Variants in RGS22 observed in about 807,000 individuals in gnomAD.
RGS22 encodes the protein regulator of G protein signaling 22.
Under a neutral mutation model 172.9 loss-of-function variants are expected in RGS22, and 148 were observed. The observed-to-expected ratio is 0.86, with a 90% CI of 0.75 to 0.98. The LOEUF (loss-of-function observed/expected upper bound fraction) is 0.98, where lower values mean the gene tolerates loss of function less well. RGS22 is among the 50% of genes least tolerant of loss of function. The pLI, the probability that RGS22 is intolerant of heterozygous loss-of-function variation, is 0.00. For synonymous variants in RGS22, 458 were observed against 480.2 expected (o/e 0.95, Z 0.60); for missense variants, 1,347 against 1,440.8 (o/e 0.93, Z 1.05).
chr8:100,085,426 G>T (rs2131940373), intron 3 of RGS22, among the ~76,000 whole-genome samples: 1 of 152,250 alleles, frequency 6.6e-6, no homozygotes, highest in East Asian at 1.9e-4. Context: ...AGGCAATAAA[G>T]ACCCATCCTA....
At chr8:99,972,948 G>A (rs1563560100) in intron 23 of RGS22, among the ~76,000 whole-genome samples, 1 of 150,010 alleles carries the variant, frequency 6.7e-6, no homozygotes, top group African/African-American at 2.5e-5. Flanking sequence ...GCAGGAGAAT[G>A]GTGTGAACTC....
chr8:100,053,487 A>G (rs1821920770), intron 9 of RGS22, among the ~76,000 whole-genome samples: 1 of 141,738 alleles, frequency 7.1e-6, no homozygotes, highest in Non-Finnish European at 1.6e-5. Context: ...GGAGGAAAGG[A>G]AGGAAGGAAT....
intron 11 of RGS22, among the ~76,000 whole-genome samples, chr8:100,045,562 G>A (rs1228117000): frequency 6.6e-6 from 1 of 151,982 alleles, no homozygotes; most frequent in African/African-American, 2.4e-5. Context: ...TACTATGTTG[G>A]TGAAGGAATG....
Position 100,073,484 on chromosome 8 carries a change from C to T in RGS22, c.340-1254G>A, listed in dbSNP as rs114130213. ...TGCCTTCACCAAACACTATCTTCTG[C>T]ATAATGAAAGAATAGAAGAAAACCA... is the stretch of plus-strand genomic sequence containing the variant. On this transcript the variant is annotated intron_variant, in intron 4 of 27. Transcript: ENST00000360863. Among the ~76,000 whole-genome samples, 403 of 152,016 alleles carry T rather than the reference C, an allele frequency of 2.7e-3. 3 individuals are homozygous for T. The highest frequency in any genetic ancestry group is 0.014 in the Middle Eastern group (4 of 292).
intron 9 of RGS22, among the ~76,000 whole-genome samples, chr8:100,054,619 T>C (rs1822052564): frequency 6.6e-6 from 1 of 151,956 alleles, no homozygotes; most frequent in Non-Finnish European, 1.5e-5. Flanking sequence ...ATTTTAAAAA[T>C]AAAATAGGAA....
chr8:100,022,746 A>AACTT (rs1563628508), intron 14 of RGS22, among the ~76,000 whole-genome samples: 1 of 151,864 alleles, frequency 6.6e-6, no homozygotes, highest in Non-Finnish European at 1.5e-5. Flanking sequence ...TTAATTAATT[A>AACTT]ATTTATTTAT....
chr8:100,012,591 G>A (rs1816505929), intron 14 of RGS22, among the ~76,000 whole-genome samples: 1 of 151,894 alleles, frequency 6.6e-6, no homozygotes, highest in Non-Finnish European at 1.5e-5. Context: ...CAAAGAGGGA[G>A]AGACAGTGAG....
At chr8:100,076,208 G>A (rs1045482093) in intron 4 of RGS22, among the ~76,000 whole-genome samples, 17 of 152,070 alleles carry the variant, frequency 1.1e-4, no homozygotes, top group Admixed American at 1.0e-3. Context: ...CCTTTAGAGC[G>A]TGAAAGTTTT....
chr8:100,096,738 G>A (rs1002566637), intron 2 of RGS22, among the ~76,000 whole-genome samples: 2 of 149,496 alleles, frequency 1.3e-5, no homozygotes, highest in African/African-American at 2.5e-5. Context: ...TGAACTCCTG[G>A]GCTCAAGCAA....
At chr8:100,053,009 C>A (rs375236281) in intron 9 of RGS22, 33 bp from the exon 10 acceptor site, 191 of 1,588,504 alleles carry the variant, frequency 1.2e-4, no homozygotes, top group Non-Finnish European at 2.8e-5. Flanking sequence ...TAAGATTGAA[C>A]TAAACAACAA....
At chr8:100,104,481 A>G (rs2132078333) in intron 2 of RGS22, among the ~76,000 whole-genome samples, 2 of 151,542 alleles carry the variant, frequency 1.3e-5, no homozygotes, top group East Asian at 3.9e-4. Flanking sequence ...GTATGTGTAG[A>G]TGTGTGTGTG....
intron 15 of RGS22, 28 bp downstream of exon 15, chr8:100,008,347 C>G (rs1815967993): frequency 6.3e-7 from 1 of 1,589,856 alleles, no homozygotes; most frequent in South Asian, 1.1e-5. Flanking sequence ...TGAATGGTTT[C>G]ACACTCAATT....
At chr8:100,098,965 G>C (rs148517981) in intron 2 of RGS22, among the ~76,000 whole-genome samples, 1,632 of 150,154 alleles carry the variant, frequency 0.011, 28 homozygotes, top group African/African-American at 0.038. Context: ...CACCAGGCTG[G>C]AGTGCAGTGG....
chr8:100,067,670 G>C (rs1810633978), intron 6 of RGS22, among the ~76,000 whole-genome samples: 1 of 148,104 alleles, frequency 6.8e-6, no homozygotes. Context: ...TGTCACCCAG[G>C]CTGGAGTTCA....
At chr8:100,035,179 A>C in intron 14 of RGS22, among the ~76,000 whole-genome samples, 2 of 152,204 alleles carry the variant, frequency 1.3e-5, no homozygotes, top group Non-Finnish European at 2.9e-5. Context: ...CAACCTACAA[A>C]ATGGGAGAAA....
chr8:99,989,115 T>C (rs1162120092), intron 20 of RGS22, among the ~76,000 whole-genome samples: 3 of 152,136 alleles, frequency 2.0e-5, no homozygotes, highest in African/African-American at 7.2e-5. Flanking sequence ...TTAAAAAAGT[T>C]TCTTTCTTTT....
At chr8:99,972,462 G>A (rs1158581121) in intron 23 of RGS22, among the ~76,000 whole-genome samples, 1 of 151,996 alleles carries the variant, frequency 6.6e-6, no homozygotes, top group Non-Finnish European at 1.5e-5. Flanking sequence ...GAGGGAACAG[G>A]CAACCTACAG....
At chr8:99,985,219 A>G (rs1304132113) in intron 21 of RGS22, among the ~76,000 whole-genome samples, 1 of 152,230 alleles carries the variant, frequency 6.6e-6, no homozygotes, top group Non-Finnish European at 1.5e-5. Context: ...TTCATCTGTG[A>G]AGTGATGAGA....
intron 23 of RGS22, among the ~76,000 whole-genome samples, chr8:99,970,894 C>T (rs1221873412): frequency 6.6e-6 from 1 of 152,196 alleles, no homozygotes; most frequent in East Asian, 1.9e-4. Flanking sequence ...CCAGCATCAT[C>T]CTGATACCAC....
Sources: gnomAD v4.1 joint callset for allele counts (sites outside exome capture counted in the v4.1 genomes callset) on GRCh38, gnomAD v4.1.1 for gene constraint, MANE v1.5 for transcripts, NCBI Gene and HGNC (gene_info 2026-07-23, HGNC 2026-07-21) for gene names.